The following ADIPOR2 variants were observed in gnomAD, a reference collection of about 807,000 sequenced individuals.
ADIPOR2 encodes the protein adiponectin receptor 2.
In ADIPOR2, 18 loss-of-function variants were observed where a neutral mutation model predicts 40.9. That is an observed-to-expected ratio of 0.44 (90% CI 0.30 to 0.65). ADIPOR2 has a LOEUF of 0.65. Among genes scored for constraint, ADIPOR2 ranks in the 30% least tolerant of loss-of-function variants. ADIPOR2 has a pLI of 0.09. For synonymous variants in ADIPOR2, 165 were observed against 166.4 expected (o/e 0.99, Z 0.06); for missense variants, 283 against 479.2 (o/e 0.59, Z 3.82).
intron 2 of ADIPOR2, among the ~76,000 whole-genome samples, chr12:1,756,619 C>T (rs888892642): frequency 4.6e-5 from 7 of 151,926 alleles, no homozygotes; most frequent in African/African-American, 1.2e-4. Flanking sequence ...TTGCCTGGCA[C>T]GTGGGCAGCT....
At chr12:1,714,227 A>G (rs2094683317) in intron 1 of ADIPOR2, among the ~76,000 whole-genome samples, 1 of 152,082 alleles carries the variant, frequency 6.6e-6, no homozygotes, top group East Asian at 1.9e-4. Flanking sequence ...TCTCTGAACC[A>G]CCAAGGTCTG....
intron 1 of ADIPOR2, among the ~76,000 whole-genome samples, chr12:1,699,634 A>C (rs2094646283): frequency 6.6e-6 from 1 of 152,200 alleles, no homozygotes; most frequent in African/African-American, 2.4e-5. Context: ...CTGGGCAACA[A>C]GAGCGAAACT....
At chr12:1,735,481 TAAG>T (rs1158801763) in intron 1 of ADIPOR2, among the ~76,000 whole-genome samples, 1 of 152,208 alleles carries the variant, frequency 6.6e-6, no homozygotes, top group Non-Finnish European at 1.5e-5. Flanking sequence ...CCTATCAGCT[TAAG>T]GAGATTTTGG....
intron 2 of ADIPOR2, among the ~76,000 whole-genome samples, chr12:1,762,937 A>G (rs923695444): frequency 6.6e-6 from 1 of 152,246 alleles, no homozygotes; most frequent in African/African-American, 2.4e-5. Context: ...AATACATTTT[A>G]AAATACATTA....
chr12:1,723,644 A>AC (rs2094702235), intron 1 of ADIPOR2, among the ~76,000 whole-genome samples: 1 of 131,580 alleles, frequency 7.6e-6, no homozygotes, highest in South Asian at 2.6e-4. Context: ...CATCTCAAAA[A>AC]CAAAACAAAA....
At chr12:1,702,814 T>C (rs1179508572) in intron 1 of ADIPOR2, 1 of 152,238 alleles carries the variant, frequency 6.6e-6, no homozygotes, top group African/African-American at 2.4e-5. Context: ...GTGTTTTATT[T>C]AAGAAACCTG....
intron 1 of ADIPOR2, among the ~76,000 whole-genome samples, chr12:1,734,505 A>ATAT (rs2094726514): frequency 6.6e-6 from 1 of 150,976 alleles, no homozygotes; most frequent in South Asian, 2.2e-4. Context: ...TAGATTCTGG[A>ATAT]TATTAGCCCT....
chr12:1,762,483 A>G (rs1862290873), intron 2 of ADIPOR2, among the ~76,000 whole-genome samples: 1 of 152,198 alleles, frequency 6.6e-6, no homozygotes, highest in East Asian at 1.9e-4. Context: ...GAATGAATTT[A>G]TCAGCAACAA....
chr12:1,749,821 C>G (rs2094764960), intron 1 of ADIPOR2, among the ~76,000 whole-genome samples: 1 of 145,512 alleles, frequency 6.9e-6, no homozygotes, highest in Non-Finnish European at 1.5e-5. Flanking sequence ...TAACATATTG[C>G]TATTTGTTTA....
intron 1 of ADIPOR2, among the ~76,000 whole-genome samples, chr12:1,742,609 G>C (rs1457517317): frequency 6.6e-6 from 1 of 152,210 alleles, no homozygotes; most frequent in Non-Finnish European, 1.5e-5. Context: ...TCAAGTTCCT[G>C]ATAGAGAATG....
chr12:1,715,670 T>C (rs1482565233), intron 1 of ADIPOR2, among the ~76,000 whole-genome samples: 1 of 152,154 alleles, frequency 6.6e-6, no homozygotes, highest in Non-Finnish European at 1.5e-5. Context: ...CTAGCAGCAG[T>C]TGGGGTGTCC....
chr12:1,729,613 A>G, intron 1 of ADIPOR2, among the ~76,000 whole-genome samples: 1 of 83,366 alleles, frequency 1.2e-5, no homozygotes, highest in African/African-American at 5.4e-5. Context: ...GAGCTCAGCC[A>G]GTTGTTTTTT....
intron 2 of ADIPOR2, among the ~76,000 whole-genome samples, chr12:1,767,307 A>G (rs1458832338): frequency 6.7e-6 from 1 of 148,174 alleles, no homozygotes; most frequent in Non-Finnish European, 1.5e-5. Flanking sequence ...TAGAATTGCT[A>G]TTTGAGAATT....
At chr12:1,733,670 A>G (rs2094724906) in intron 1 of ADIPOR2, among the ~76,000 whole-genome samples, 1 of 151,980 alleles carries the variant, frequency 6.6e-6, no homozygotes, top group Non-Finnish European at 1.5e-5. Context: ...GGTTTGTTAC[A>G]TATGTGTACA....
At chr12:1,717,131 A>T (rs1417730735) in intron 1 of ADIPOR2, among the ~76,000 whole-genome samples, 1 of 152,210 alleles carries the variant, frequency 6.6e-6, no homozygotes, top group African/African-American at 2.4e-5. Context: ...TGCCTAGCCT[A>T]CTGTGATAGG....
chr12:1,692,260 A>G (rs540865920), intron 1 of ADIPOR2, among the ~76,000 whole-genome samples: 1 of 152,300 alleles, frequency 6.6e-6, no homozygotes, highest in Non-Finnish European at 1.5e-5. Context: ...GGGGGAGGCT[A>G]TACGTCTTGT....
intron 2 of ADIPOR2, among the ~76,000 whole-genome samples, chr12:1,771,838 G>C (rs1285872579): frequency 6.6e-6 from 1 of 152,212 alleles, no homozygotes; most frequent in Non-Finnish European, 1.5e-5. Context: ...TATCTAAACA[G>C]ACTCTTGGTT....
At position 1,754,248 on chromosome 12, in the gene ADIPOR2, ATCT is replaced by A. The variant is rs1862064344; in HGVS notation, c.-86-5_-86-3del. On this transcript the variant is annotated splice_region_variant and splice_polypyrimidine_tract_variant and intron_variant, in intron 1 of 7. Transcript: ENST00000357103. ...TTTAATGCATTTTTTCAAAACTTTC[ATCT>A]TCTTAGGATCAACTCACTATCCTGA... The A allele has an allele frequency of 7.9e-7, 1 of 1,263,322 alleles. No individual in the cohort carries two copies. The highest frequency in any genetic ancestry group is 2.9e-5 in the Admixed American group (1 of 34,854). 78.3% of individuals were successfully genotyped at this position (1,263,322 alleles called of 1,614,324 possible).
chr12:1,779,439 T>G (rs1862669106), intron 4 of ADIPOR2, among the ~76,000 whole-genome samples: 1 of 152,222 alleles, frequency 6.6e-6, no homozygotes, highest in Non-Finnish European at 1.5e-5. Context: ...TGTCGTTTGA[T>G]TCTACATGCA....
Sources: allele counts gnomAD v4.1 joint callset (sites outside exome capture counted in the v4.1 genomes callset), GRCh38; gene constraint gnomAD v4.1.1; transcripts MANE v1.5; gene names NCBI Gene and HGNC (gene_info 2026-07-23, HGNC 2026-07-21).